Variants in LARP1B observed in about 807,000 individuals in gnomAD.
LARP1B encodes the protein la-related protein 1B.
A neutral mutation model predicts 114.2 loss-of-function variants in LARP1B; 76 were observed. The observed-to-expected ratio is 0.67, with a 90% CI of 0.55 to 0.81. LARP1B has a LOEUF of 0.81. LARP1B is among the 30% of genes least tolerant of loss of function. The pLI is 0.00. For missense variants in LARP1B, 1,014 were observed against 1,075.8 expected, an observed-to-expected ratio of 0.94 and a Z score of 0.80; for synonymous variants, 345 against 348.0, an observed-to-expected ratio of 0.99 and a Z score of 0.10.
intron 11 of LARP1B, among the ~76,000 whole-genome samples, chr4:128,134,216 G>C (rs1158651687): frequency 6.6e-6 from 1 of 151,904 alleles, no homozygotes; most frequent in Non-Finnish European, 1.5e-5. Flanking sequence ...GTTATACCTG[G>C]TTTCAAACTC....
chr4:128,077,938 C>T lies in LARP1B; in HGVS notation c.193C>T (p.Gln65Ter). Residue 65 changes from glutamine (Q) to a stop codon, truncating the protein, a stop_gained, in exon 4 of 20, where the codon CAG becomes TAG. Coordinates refer to ENST00000326639, the MANE Select transcript of LARP1B (RefSeq NM_018078.4). LOFTEE classifies it high-confidence loss of function. ...PGENVSEDEA[Q>*]SSNQRKRANK... ...TGAAAACGTCAGTGAGGATGAGGCT[C>T]AGTCAAGTAATCAACGTAAGAGAGG... is the stretch of plus-strand genomic sequence containing the variant. 1 of 1,604,466 alleles carries T rather than the reference C, an allele frequency of 6.2e-7. No homozygotes were observed. Among genetic ancestry groups the T allele is most frequent in the Non-Finnish European group, 8.5e-7 (1 of 1,177,388 alleles).
Position 128,082,216 on chromosome 4 carries a change from G to A in LARP1B, c.269G>A (p.Ser90Asn). The A allele has an allele frequency of 6.2e-7, 1 of 1,612,932 alleles. No homozygotes were observed. The highest frequency in any genetic ancestry group is 8.5e-7 in the Non-Finnish European group (1 of 1,179,900). Residue 90 changes from serine to asparagine, a missense_variant, in exon 5 of 20, where the codon AGT becomes AAT. By Grantham distance (46) the Ser-to-Asn change is conservative. Transcript: ENST00000326639. ...PLHLDVVRSE[S>N]QERPGSRNSS... ...CACTTAGATGTTGTAAGATCAGAGA[G>A]TCAAGAAAGACCTGGATCCCGGAAC...
At chr4:128,164,717 C>T (rs948815149) in intron 12 of LARP1B, among the ~76,000 whole-genome samples, 8 of 152,040 alleles carry the variant, frequency 5.3e-5, no homozygotes, top group East Asian at 1.9e-4. Context: ...CCCAACACTT[C>T]GGGAGGCCAA....
intron 15 of LARP1B, among the ~76,000 whole-genome samples, chr4:128,180,791 T>G (rs1271707270): frequency 6.6e-6 from 1 of 152,228 alleles, no homozygotes; most frequent in African/African-American, 2.4e-5. Flanking sequence ...GATTGCTGGA[T>G]TGTATAATAA....
At position 128,167,433 on chromosome 4, in the gene LARP1B, G is replaced by A. The variant is rs945471074; in HGVS notation, c.1648+5116G>A. On this transcript the variant is annotated intron_variant, in intron 12 of 19. Transcript: ENST00000326639. The stretch of plus-strand genomic sequence containing the variant: ...TTGGATTATTTGCATTCTTGCTATT[G>A]AGTTGTCTGAGTTACTTATGTATTT... Among the ~76,000 whole-genome samples the A allele has an allele frequency of 4.6e-5, 7 of 152,026 alleles. No homozygotes were observed. The South Asian group carries it at 1.5e-3, about 32-fold the overall frequency.
chr4:128,118,289 T>C (rs1786681554), intron 10 of LARP1B, among the ~76,000 whole-genome samples: 1 of 146,364 alleles, frequency 6.8e-6, no homozygotes, highest in African/African-American at 2.6e-5. Context: ...TGGAGTGCAG[T>C]GGCGCGATCT....
chr4:128,137,381 A>G (rs895049821), intron 11 of LARP1B, among the ~76,000 whole-genome samples: 1 of 152,202 alleles, frequency 6.6e-6, no homozygotes, highest in South Asian at 2.1e-4. Context: ...ATTAATTCCA[A>G]AACAGCAGTT....
At chr4:128,072,447 C>A (rs1765747555) in intron 1 of LARP1B, among the ~76,000 whole-genome samples, 1 of 152,130 alleles carries the variant, frequency 6.6e-6, no homozygotes, top group Admixed American at 6.6e-5. Context: ...CTTGCTATTT[C>A]AGTCTTAGGT....
At chr4:128,156,160 C>A in intron 11 of LARP1B, 2 of 1,610,610 alleles carry the variant, frequency 1.2e-6, no homozygotes, top group Non-Finnish European at 1.7e-6. Flanking sequence ...CAGCGGAGAC[C>A]CATCCTCTGA....
chr4:128,141,750 A>G (rs879338630), intron 11 of LARP1B, among the ~76,000 whole-genome samples: 1 of 152,152 alleles, frequency 6.6e-6, no homozygotes, highest in Non-Finnish European at 1.5e-5. Flanking sequence ...TTGAGAGGTT[A>G]CACTCTCAAC....
chr4:128,193,039 A>G (rs1031311406), intron 15 of LARP1B, among the ~76,000 whole-genome samples: 2 of 152,068 alleles, frequency 1.3e-5, no homozygotes, highest in Non-Finnish European at 2.9e-5. Context: ...TTGCTATGTA[A>G]TTCAGGCTGG....
chr4:128,150,550 C>T (rs1032100596), intron 11 of LARP1B, among the ~76,000 whole-genome samples: 1 of 152,038 alleles, frequency 6.6e-6, no homozygotes, highest in Non-Finnish European at 1.5e-5. Context: ...ACATCAGCCT[C>T]CTGAAGAGCT....
intron 11 of LARP1B, among the ~76,000 whole-genome samples, chr4:128,156,921 CTGGCATT>C (rs1240729117): frequency 1.4e-5 from 2 of 144,808 alleles, no homozygotes; most frequent in African/African-American, 5.1e-5. Flanking sequence ...AGAAATAAGG[CTGGCATT>C]TGGGTCTTCA....
At chr4:128,212,441 C>T (rs1275917102), downstream of LARP1B, among the ~76,000 whole-genome samples, 3 of 151,770 alleles carry the variant, frequency 2.0e-5, no homozygotes, top group African/African-American at 4.8e-5. Flanking sequence ...ATCAGAAATG[C>T]GAGACCAGCC....
intron 1 of LARP1B, chr4:128,061,908 G>A: frequency 1.0e-6 from 1 of 985,214 alleles, no homozygotes; most frequent in Non-Finnish European, 1.2e-6. Flanking sequence ...CTGGTGCTGG[G>A]ACGCAGCGTG....
At chr4:128,207,776 T>G (rs1049872130) in intron 19 of LARP1B, among the ~76,000 whole-genome samples, 2 of 152,244 alleles carry the variant, frequency 1.3e-5, no homozygotes, top group Non-Finnish European at 2.9e-5. Context: ...GGTACCTGCA[T>G]AATAAAATTA....
intron 11 of LARP1B, among the ~76,000 whole-genome samples, chr4:128,149,029 T>G (rs1731530411): frequency 6.6e-6 from 1 of 152,264 alleles, no homozygotes; most frequent in Admixed American, 6.5e-5. Context: ...TATACTTGTT[T>G]GGGCACTTTT....
At chr4:128,159,439 A>C (rs2150407728) in intron 11 of LARP1B, among the ~76,000 whole-genome samples, 1 of 152,252 alleles carries the variant, frequency 6.6e-6, no homozygotes, top group Non-Finnish European at 1.5e-5. Context: ...CTTCATCTCT[A>C]TAATTTTGTC....
intron 11 of LARP1B, among the ~76,000 whole-genome samples, chr4:128,131,887 T>C (rs1791680139): frequency 1.3e-5 from 2 of 152,194 alleles, no homozygotes; most frequent in Admixed American, 1.3e-4. Flanking sequence ...AGGATAACTA[T>C]AATAAAGAAG....
Sources: allele counts gnomAD v4.1 joint callset (sites outside exome capture counted in the v4.1 genomes callset), GRCh38; gene constraint gnomAD v4.1.1; transcripts MANE v1.5; gene names NCBI Gene and HGNC (gene_info 2026-07-23, HGNC 2026-07-21).